The following DNAH3 variants were observed in gnomAD, a reference collection of about 807,000 sequenced individuals.
The protein encoded by DNAH3 is dynein axonemal heavy chain 3.
DNAH3 carries 332 observed loss-of-function variants against 432.5 expected under a neutral mutation model. The ratio of observed to expected loss-of-function variants is 0.77; its 90% CI spans 0.70 to 0.84. The LOEUF (loss-of-function observed/expected upper bound fraction) is 0.84. Among genes scored for constraint, DNAH3 ranks in the 40% least tolerant of loss-of-function variants. The pLI, the probability that DNAH3 is intolerant of heterozygous loss-of-function variation, is 0.00. For synonymous variants in DNAH3, 1,956 were observed against 1,900.2 expected (o/e 1.03, Z -0.76); for missense variants, 4,861 against 5,114.0 (o/e 0.95, Z 1.51).
intron 59 of DNAH3, among the ~76,000 whole-genome samples, chr16:20,940,110 G>C (rs997953433): frequency 6.6e-6 from 1 of 152,198 alleles, no homozygotes; most frequent in African/African-American, 2.4e-5. Context: ...TCACATATTG[G>C]ATAAGTACAC....
At chr16:20,991,002 C>T (rs892718206) in intron 44 of DNAH3, among the ~76,000 whole-genome samples, 4 of 152,082 alleles carry the variant, frequency 2.6e-5, no homozygotes, top group African/African-American at 4.8e-5. Context: ...GCCTGAGCGA[C>T]AGAGCGAGAC....
intron 1 of DNAH3, among the ~76,000 whole-genome samples, chr16:21,158,914 TTA>T (rs2092925119): frequency 6.6e-6 from 1 of 151,920 alleles, no homozygotes. Context: ...CGTCTCCTGC[TTA>T]TGAGTCGCCG....
exon 21 of DNAH3, chr16:21,075,508 A>G (rs1317544250): frequency 1.9e-6 from 3 of 1,614,056 alleles, no homozygotes; most frequent in South Asian, 1.1e-5. Context: ...CATTCTATCC[A>G]AGTTTTTCTC....
intron 58 of DNAH3, among the ~76,000 whole-genome samples, chr16:20,943,380 C>T (rs117494852): frequency 3.3e-5 from 5 of 152,038 alleles, no homozygotes; most frequent in Non-Finnish European, 7.4e-5. Context: ...ACCCAGCCCT[C>T]GGTTAACTTA....
At chr16:20,936,307 T>C (rs9931846) in intron 60 of DNAH3, among the ~76,000 whole-genome samples, 42,602 of 151,864 alleles carry the variant, frequency 0.28, 6,097 homozygotes, top group Middle Eastern at 0.32. Context: ...CATAAGCCAC[T>C]ATGCCCTGCT....
chr16:21,075,556 T>A, exon 21 of DNAH3: 1 of 1,612,548 alleles, frequency 6.2e-7, no homozygotes, highest in Non-Finnish European at 8.5e-7. Flanking sequence ...ACCAATGGGC[T>A]CCAATCTAAA....
chr16:21,093,861 A>T (rs1348041780), intron 18 of DNAH3, among the ~76,000 whole-genome samples: 1 of 152,182 alleles, frequency 6.6e-6, no homozygotes, highest in Non-Finnish European at 1.5e-5. Context: ...GGACATTTAT[A>T]TGTAAGACAA....
At chr16:21,105,834 T>C (rs1282261946) in intron 15 of DNAH3, among the ~76,000 whole-genome samples, 2 of 152,022 alleles carry the variant, frequency 1.3e-5, no homozygotes, top group African/African-American at 4.8e-5. Context: ...TGATTCTGCA[T>C]TTGGAAGTGA....
chr16:20,974,580 T>G (rs920550968), intron 51 of DNAH3, among the ~76,000 whole-genome samples: 1 of 8,554 alleles, frequency 1.2e-4, no homozygotes, highest in Non-Finnish European at 3.4e-4. Context: ...TTTTATAGTG[T>G]TTTTTTTTTT....
At chr16:21,020,273 C>T (rs1256988864) in intron 40 of DNAH3, among the ~76,000 whole-genome samples, 3 of 142,558 alleles carry the variant, frequency 2.1e-5, no homozygotes, top group Non-Finnish European at 4.5e-5. Flanking sequence ...CCACCCACCT[C>T]GGCCTCTCAA....
intron 9 of DNAH3, among the ~76,000 whole-genome samples, chr16:21,123,003 G>A (rs760375662): frequency 9.2e-5 from 14 of 151,942 alleles, no homozygotes; most frequent in Non-Finnish European, 2.1e-4. Flanking sequence ...ATCTCAACTT[G>A]TCTATTCTAA....
At chr16:21,066,448 A>G (rs1337216512) in intron 24 of DNAH3, among the ~76,000 whole-genome samples, 1 of 151,910 alleles carries the variant, frequency 6.6e-6, no homozygotes, top group Non-Finnish European at 1.5e-5. Context: ...GCTCACTGCA[A>G]CCTCTGCCTC....
chr16:21,019,429 G>A, intron 41 of DNAH3, 195 bp downstream of exon 41: 1 of 668,110 alleles, frequency 1.5e-6, no homozygotes, highest in Non-Finnish European at 2.5e-6. Context: ...CAAAGTGCTG[G>A]GATTACCAGT....
chr16:21,111,559 T>C, intron 14 of DNAH3, 67 bp downstream of exon 14: 12 of 1,484,646 alleles, frequency 8.1e-6, no homozygotes, highest in Non-Finnish European at 1.1e-5. Flanking sequence ...GTGCAAGTTC[T>C]GGTCACTTTT....
At chr16:21,055,985 G>A (rs1047120676) in intron 27 of DNAH3, among the ~76,000 whole-genome samples, 12 of 151,284 alleles carry the variant, frequency 7.9e-5, no homozygotes, top group East Asian at 1.9e-4. Flanking sequence ...CAATCCTCCC[G>A]CCTTGGCCTC....
intron 15 of DNAH3, 49 bp from the exon 16 acceptor site, chr16:21,104,643 G>C (rs1431265487): frequency 1.7e-6 from 2 of 1,161,204 alleles, no homozygotes; most frequent in African/African-American, 1.5e-5. Flanking sequence ...GCATAGGTCG[G>C]GTCAGCATGT....
chr16:20,987,746 C>T (rs780707324), exon 46 of DNAH3: 2 of 1,614,084 alleles, frequency 1.2e-6, no homozygotes, highest in Admixed American at 1.7e-5. Context: ...CGTGAGAAGT[C>T]CCGCAGGTTA....
chr16:21,058,364 T>C (rs2090210048), intron 26 of DNAH3, among the ~76,000 whole-genome samples, 168 bp from the exon 27 acceptor site: 1 of 152,244 alleles, frequency 6.6e-6, no homozygotes, highest in African/African-American at 2.4e-5. Flanking sequence ...TATGTCTTCC[T>C]TTCTGAGTTT....
intron 43 of DNAH3, among the ~76,000 whole-genome samples, chr16:20,998,459 G>A (rs988706757): frequency 6.6e-6 from 1 of 151,974 alleles, no homozygotes; most frequent in African/African-American, 2.4e-5. Flanking sequence ...CACCATGTTG[G>A]CCTGGCTGGT....
Sources: allele counts gnomAD v4.1 joint callset (sites outside exome capture counted in the v4.1 genomes callset), GRCh38; gene constraint gnomAD v4.1.1; transcripts MANE v1.5; gene names NCBI Gene and HGNC (gene_info 2026-07-23, HGNC 2026-07-21).